The following NECTIN3 variants were observed in gnomAD, a reference collection of about 807,000 sequenced individuals.
NECTIN3 encodes nectin cell adhesion molecule 3.
NECTIN3 carries 8 observed loss-of-function variants against 49.4 expected under a neutral mutation model. That is an observed-to-expected ratio of 0.16 (90% confidence interval 0.10 to 0.29). The LOEUF (loss-of-function observed/expected upper bound fraction) is 0.29. Ranked by LOEUF, NECTIN3 falls within the 10% of genes least tolerant of loss-of-function variation. NECTIN3 has a pLI of 1.00. For synonymous variants in NECTIN3, 277 were observed against 241.1 expected (o/e 1.15, Z -1.38); for missense variants, 581 against 654.6 (o/e 0.89, Z 1.23).
chr3:111,181,749 TATTG>T (rs1201204651), intron 7 of NECTIN3, among the ~76,000 whole-genome samples: 1 of 152,072 alleles, frequency 6.6e-6, no homozygotes, highest in African/African-American at 2.4e-5. Flanking sequence ...TTCATTTTGA[TATTG>T]ATTTGTGTTT....
At chr3:111,181,828 TATTA>T (rs1412691315) in intron 7 of NECTIN3, among the ~76,000 whole-genome samples, 7 of 152,076 alleles carry the variant, frequency 4.6e-5, no homozygotes, top group South Asian at 2.1e-4. Flanking sequence ...ATTTTGATTT[TATTA>T]ATTCTCTCCA....
rs542520795 is a variant in NECTIN3 at position 111,163,873 on chromosome 3, A to G, written c.1221+16389A>G. On this transcript the variant is annotated intron_variant, in intron 7 of 8. Coordinates refer to the NECTIN3 transcript ENST00000493615. Reference sequence around the variant, plus strand: ...AGGATTTCCTAATTTTTATATATGGATAGATCAGATCTATAAAGTAAATGC... The same window carrying G: ...AGGATTTCCTAATTTTTATATATGGGTAGATCAGATCTATAAAGTAAATGC... 3.3e-5 allele frequency among the ~76,000 whole-genome samples: 5 copies of G among 152,122 alleles called. No individual in the cohort carries two copies. The South Asian group carries it at 1.0e-3, about 32-fold the overall frequency.
intron 1 of NECTIN3, among the ~76,000 whole-genome samples, chr3:111,107,709 T>C (rs2107440079): frequency 6.6e-6 from 1 of 152,278 alleles, no homozygotes; most frequent in African/African-American, 2.4e-5. Context: ...GAGGAAGTAG[T>C]AGTAGGCTTA....
At chr3:111,177,644 G>A (rs1289924971) in intron 7 of NECTIN3, among the ~76,000 whole-genome samples, 1 of 152,146 alleles carries the variant, frequency 6.6e-6, no homozygotes. Context: ...ATGAAACTAA[G>A]GTTTACCTTA....
intron 1 of NECTIN3, among the ~76,000 whole-genome samples, chr3:111,089,516 G>A (rs1178460395): frequency 6.6e-6 from 1 of 151,634 alleles, no homozygotes; most frequent in Non-Finnish European, 1.5e-5. Flanking sequence ...TGTGTATTCA[G>A]TTCAGAACAT....
chr3:111,167,744 C>T lies in NECTIN3; in HGVS notation c.1221+20260C>T, dbSNP rs376588880. On this transcript the variant is annotated intron_variant, in intron 7 of 8. Transcript: ENST00000493615. The stretch of plus-strand genomic sequence containing the variant: ...TATTTTGTGTCTCCCTATGTATAAA[C>T]TTTATATACACATCTGCTCCAGGGT... 4.5e-4 allele frequency among the ~76,000 whole-genome samples: 68 copies of T among 152,164 alleles called. 1 individual carries two copies. In the East Asian group the frequency reaches 0.01, roughly 23 times the overall value.
chr3:111,140,634 CATACAAT>C (rs2034718889), downstream of NECTIN3, among the ~76,000 whole-genome samples: 1 of 151,842 alleles, frequency 6.6e-6, no homozygotes, highest in South Asian at 2.1e-4. Flanking sequence ...ATGGGACACT[CATACAAT>C]TCTTCCTTTA....
chr3:111,107,929 A>T (rs999889363), intron 1 of NECTIN3, among the ~76,000 whole-genome samples: 3 of 152,158 alleles, frequency 2.0e-5, no homozygotes, highest in Non-Finnish European at 4.4e-5. Context: ...TAAAACATAA[A>T]AAAGCAGATA....
intron 7 of NECTIN3, among the ~76,000 whole-genome samples, chr3:111,180,174 C>G (rs1414043414): frequency 6.6e-6 from 1 of 152,080 alleles, no homozygotes; most frequent in African/African-American, 2.4e-5. Context: ...TAAAAGACAC[C>G]TTGAGAAATG....
rs2034517376 is a variant in NECTIN3, at chr3:111,134,693, T to TA, written c.*478_*479insA. 1.2e-6 allele frequency: 1 copy of TA among 855,252 alleles called. No individual in the cohort carries two copies. The highest frequency in any genetic ancestry group is 5.4e-5 in the South Asian group (1 of 18,586). 53.0% of individuals were successfully genotyped at this position (855,252 alleles called of 1,614,324 possible). ...CTAATTCAAGAAATATTTATATATA[T>TA]TTTTTAATATACAAAAAATATTTAG... On this transcript the variant is annotated 3_prime_UTR_variant, in exon 6 of 6. Coordinates refer to ENST00000485303, the MANE Select transcript of NECTIN3 (RefSeq NM_015480.3).
At chr3:111,193,169 C>G in intron 1 of NECTIN3, 2 of 1,513,364 alleles carry the variant, frequency 1.3e-6, no homozygotes, top group Non-Finnish European at 1.8e-6. Context: ...AACAGCTGCT[C>G]TGCTAATGTA....
chr3:111,142,197 T>A (rs1388379723), downstream of NECTIN3, among the ~76,000 whole-genome samples: 3 of 151,932 alleles, frequency 2.0e-5, no homozygotes, highest in Admixed American at 6.6e-5. Flanking sequence ...TACTTACCTT[T>A]TTTCTCAATT....
intron 1 of NECTIN3, among the ~76,000 whole-genome samples, chr3:111,104,471 C>G (rs1018371511): frequency 3.3e-5 from 5 of 152,040 alleles, no homozygotes; most frequent in East Asian, 1.9e-4. Context: ...CAGGCGTACA[C>G]CAACACGTCT....
In NECTIN3 at chr3:111,171,659, A is replaced by G. The variant is rs933264740; in HGVS notation, c.1222-20692A>G. 2.6e-5 allele frequency among the ~76,000 whole-genome samples: 4 copies of G among 151,960 alleles called. No homozygotes were observed. In the South Asian group the frequency reaches 6.2e-4, roughly 24 times the overall value. On this transcript the variant is annotated intron_variant, in intron 7 of 8. Transcript: ENST00000493615. ...CAGTGCATATTGACATTTGAAACCT[A>G]TTTATAGAGATATTATATGACCCTA... is the stretch of plus-strand genomic sequence containing the variant.
intron 1 of NECTIN3, among the ~76,000 whole-genome samples, chr3:111,102,381 C>T (rs1454137526): frequency 1.3e-5 from 2 of 152,188 alleles, no homozygotes; most frequent in East Asian, 1.9e-4. Flanking sequence ...TTTCATCCTA[C>T]TTCCTCCTCC....
At position 111,123,035 on chromosome 3, in the gene NECTIN3, A is replaced by T. The variant is rs906547111; in HGVS notation, c.917+797A>T. On this transcript the variant is annotated intron_variant, in intron 4 of 5. Transcript: ENST00000485303. The stretch of plus-strand genomic sequence containing the variant: ...TAGAAGATTTTCTTGATTTTTTTTT[A>T]AATTTTCCATTGACTTAATGATATA... Among the ~76,000 whole-genome samples, 6 of 151,104 alleles carry T rather than the reference A, an allele frequency of 4.0e-5. No individual in the cohort carries two copies. In the South Asian group the frequency reaches 8.3e-4, roughly 21 times the overall value.
intron 1 of NECTIN3, among the ~76,000 whole-genome samples, chr3:111,110,242 C>T (rs2033397818): frequency 1.3e-5 from 2 of 151,590 alleles, no homozygotes; most frequent in Admixed American, 1.3e-4. Flanking sequence ...GATAGTGCAC[C>T]ATCTTGTCTT....
intron 1 of NECTIN3, among the ~76,000 whole-genome samples, chr3:111,088,699 GA>G (rs1354972567): frequency 1.3e-5 from 2 of 152,020 alleles, no homozygotes; most frequent in African/African-American, 2.4e-5. Context: ...TGGTTTTGAT[GA>G]ATATATCCTT....
chr3:111,168,100 G>A (rs958017571), intron 7 of NECTIN3, among the ~76,000 whole-genome samples: 2 of 152,002 alleles, frequency 1.3e-5, no homozygotes, highest in African/African-American at 4.8e-5. Flanking sequence ...TTAGAATTTT[G>A]GAGCATTTCA....
Sources: gnomAD v4.1 joint callset for allele counts (sites outside exome capture counted in the v4.1 genomes callset) on GRCh38, gnomAD v4.1.1 for gene constraint, MANE v1.5 for transcripts, NCBI Gene and HGNC (gene_info 2026-07-23, HGNC 2026-07-21) for gene names.